IPMK: variants seen among roughly 807,000 people sequenced by gnomAD.
IPMK encodes inositol 1,3,4,6-tetrakisphosphate 5-kinase.
A neutral mutation model predicts 45.8 loss-of-function variants in IPMK; 17 were observed. That is an observed-to-expected ratio of 0.37 (90% CI 0.25 to 0.56). The LOEUF (loss-of-function observed/expected upper bound fraction) is 0.56. Among genes scored for constraint, IPMK ranks in the 20% least tolerant of loss-of-function variants. The probability of loss-of-function intolerance (pLI) is 0.79; values close to 1 mark genes in which losing one functional copy is unlikely to be tolerated. For synonymous variants in IPMK, 180 were observed against 184.3 expected, an observed-to-expected ratio of 0.98 and a Z score of 0.19; for missense variants, 399 against 498.0, an observed-to-expected ratio of 0.80 and a Z score of 1.89.
chr10:58,230,333 C>A (rs779192307), intron 2 of IPMK, among the ~76,000 whole-genome samples: 3 of 152,166 alleles, frequency 2.0e-5, no homozygotes, highest in African/African-American at 7.2e-5. Flanking sequence ...GCTCTGAGAA[C>A]AAGCAGACTG....
At chr10:58,235,382 C>A (rs1307864906) in intron 2 of IPMK, among the ~76,000 whole-genome samples, 1 of 152,176 alleles carries the variant, frequency 6.6e-6, no homozygotes, top group Non-Finnish European at 1.5e-5. Flanking sequence ...TTTACTGCAG[C>A]ACTATTCACA....
At chr10:58,252,923 GTTT>G (rs142114442) in intron 1 of IPMK, among the ~76,000 whole-genome samples, 10,127 of 152,046 alleles carry the variant, frequency 0.067, 408 homozygotes, top group Non-Finnish European at 0.089. Context: ...CATCCATGAG[GTTT>G]TTAACTTCAG....
At chr10:58,244,102 G>A (rs373163794) in intron 1 of IPMK, among the ~76,000 whole-genome samples, 343 of 146,770 alleles carry the variant, frequency 2.3e-3, no homozygotes, top group African/African-American at 8.0e-3. Flanking sequence ...CGGCCGCCCC[G>A]TCTGGGAAGT....
intron 5 of IPMK, among the ~76,000 whole-genome samples, chr10:58,199,012 T>A (rs1588950151): frequency 6.6e-6 from 1 of 152,204 alleles, no homozygotes; most frequent in South Asian, 2.1e-4. Context: ...AGTATATTAA[T>A]AAGAAATAAA....
chr10:58,258,731 T>C (rs1839011700), intron 1 of IPMK, among the ~76,000 whole-genome samples: 4 of 152,106 alleles, frequency 2.6e-5, no homozygotes. Context: ...TGTTTAGTAC[T>C]TAAAGGGAAA....
intron 1 of IPMK, among the ~76,000 whole-genome samples, chr10:58,248,017 A>G (rs1266025038): frequency 6.6e-6 from 1 of 152,106 alleles, no homozygotes; most frequent in Non-Finnish European, 1.5e-5. Context: ...ATGAACACCT[A>G]TATTAAAAAC....
intron 1 of IPMK, among the ~76,000 whole-genome samples, chr10:58,244,212 C>T (rs1293706856): frequency 6.6e-6 from 1 of 150,574 alleles, no homozygotes; most frequent in Non-Finnish European, 1.5e-5. Context: ...GCCGCCCCAC[C>T]TGGGAGGTGA....
intron 3 of IPMK, among the ~76,000 whole-genome samples, chr10:58,224,288 T>C (rs182895386): frequency 9.8e-5 from 15 of 152,336 alleles, no homozygotes; most frequent in African/African-American, 3.6e-4. Flanking sequence ...CTACTCGATG[T>C]TATACTTTTC....
chr10:58,253,987 T>C (rs980540489), intron 1 of IPMK, among the ~76,000 whole-genome samples: 1 of 152,152 alleles, frequency 6.6e-6, no homozygotes, highest in Non-Finnish European at 1.5e-5. Context: ...GATTTTTGCT[T>C]ATTTGATTAT....
chr10:58,232,635 G>A (rs1838542396), intron 2 of IPMK, among the ~76,000 whole-genome samples: 1 of 152,118 alleles, frequency 6.6e-6, no homozygotes, highest in Admixed American at 6.5e-5. Context: ...AAACCAATGA[G>A]AACAAAGACA....
chr10:58,258,892 T>A (rs1246488602), intron 1 of IPMK, among the ~76,000 whole-genome samples: 1 of 152,130 alleles, frequency 6.6e-6, no homozygotes, highest in Admixed American at 6.6e-5. Context: ...ATCAATGCAA[T>A]TTTAAAAAGT....
intron 3 of IPMK, among the ~76,000 whole-genome samples, chr10:58,216,651 T>G (rs973584900): frequency 6.6e-6 from 1 of 152,056 alleles, no homozygotes; most frequent in Non-Finnish European, 1.5e-5. Flanking sequence ...TGAATACAAT[T>G]TATGCCATAT....
At chr10:58,211,917 A>AT (rs1166850677) in intron 4 of IPMK, among the ~76,000 whole-genome samples, 21 of 151,208 alleles carry the variant, frequency 1.4e-4, no homozygotes, top group African/African-American at 5.1e-4. Flanking sequence ...AAAAAAAAAA[A>AT]AAAAAAAATT....
intron 5 of IPMK, among the ~76,000 whole-genome samples, chr10:58,197,109 G>C (rs1428168231): frequency 6.6e-6 from 1 of 151,240 alleles, no homozygotes; most frequent in Non-Finnish European, 1.5e-5. Context: ...GACCATCCTG[G>C]CTAACACAGT....
Position 58,237,797 on chromosome 10 carries a change from C to A in IPMK, c.208G>T (p.Asp70Tyr), listed in dbSNP as rs528285131. The A allele has an allele frequency of 1.9e-6, 3 of 1,613,616 alleles. No individual in the cohort carries two copies. Among genetic ancestry groups the A allele is most frequent in the Non-Finnish European group, 1.7e-6 (2 of 1,179,592 alleles). Residue 70 changes from aspartate to tyrosine, a missense_variant, in exon 2 of 6, where the codon GAT becomes TAT. By Grantham distance (160) the Asp-to-Tyr change is radical (BLOSUM62 -3). This residue lies in a region of IPMK where 111 missense variants were observed against 99.9 expected (regional missense o/e 1.11). Coordinates refer to ENST00000373935, the MANE Select transcript of IPMK (RefSeq NM_152230.5). Reference protein sequence around the residue: ...KDKVGILQHPDGTVLKQLQPP... With the variant: ...KDKVGILQHPYGTVLKQLQPP... ...TGTAACTGTTTCAAAACTGTGCCAT[C>A]TGGATGTTGCAGTATACCTATGGAA...
chr10:58,206,516 T>C (rs1838073424), intron 4 of IPMK, among the ~76,000 whole-genome samples: 10 of 152,206 alleles, frequency 6.6e-5, no homozygotes, highest in Admixed American at 6.5e-4. Flanking sequence ...TAAACCTCCA[T>C]TTATGTCTAG....
At chr10:58,209,666 G>A (rs779915923) in intron 4 of IPMK, among the ~76,000 whole-genome samples, 2 of 152,218 alleles carry the variant, frequency 1.3e-5, no homozygotes, top group Non-Finnish European at 2.9e-5. Context: ...GAGTGAGGTA[G>A]ACTCTGTGAG....
Position 58,193,426 on chromosome 10 carries a change from A to G in IPMK, c.*2650T>C, listed in dbSNP as rs1319471541. The stretch of plus-strand genomic sequence containing the variant: ...AAGCTCCACATTAGAGCCATTTAAT[A>G]TACACATTTCCATAACTGTTTCTTG... On this transcript the variant is annotated 3_prime_UTR_variant, in exon 6 of 6. Transcript: ENST00000373935. The G allele has an allele frequency of 2.0e-5, 3 of 151,900 alleles. No homozygotes were observed. The highest frequency in any genetic ancestry group is 4.4e-5 in the Non-Finnish European group (3 of 67,772). 9.4% of individuals were successfully genotyped at this position (151,900 alleles called of 1,614,324 possible).
intron 2 of IPMK, among the ~76,000 whole-genome samples, chr10:58,236,014 C>A (rs1838606941): frequency 6.6e-6 from 1 of 151,894 alleles, no homozygotes; most frequent in East Asian, 1.9e-4. Flanking sequence ...CTGCAACCTC[C>A]ACCTCCCGGG....
Sources: gnomAD v4.1 joint callset for allele counts (sites outside exome capture counted in the v4.1 genomes callset) on GRCh38, gnomAD v4.1.1 for gene constraint, gnomAD v4.1.1 regional missense constraint, MANE v1.5 for transcripts, NCBI Gene and HGNC (gene_info 2026-07-23, HGNC 2026-07-21) for gene names.